The following LIPC variants were observed in gnomAD, a reference collection of about 807,000 sequenced individuals.
LIPC encodes hepatic triacylglycerol lipase.
LIPC carries 44 observed loss-of-function variants against 50.7 expected under a neutral mutation model. The ratio of observed to expected loss-of-function variants is 0.87; its 90% CI spans 0.68 to 1.11. The LOEUF (loss-of-function observed/expected upper bound fraction) is 1.11. LIPC is among the 50% of genes most tolerant of loss of function. The pLI, the probability that LIPC is intolerant of heterozygous loss-of-function variation, is 0.00. For missense variants in LIPC, 697 were observed against 648.2 expected (o/e 1.08, Z -0.82); for synonymous variants, 271 against 256.4 (o/e 1.06, Z -0.54).
chr15:58,562,212 C>A (rs138412561), intron 7 of LIPC, among the ~76,000 whole-genome samples: 3 of 152,204 alleles, frequency 2.0e-5, no homozygotes, highest in Non-Finnish European at 2.9e-5. Flanking sequence ...CAAGCCCGAA[C>A]CCTCACGTCC....
intron 1 of LIPC, among the ~76,000 whole-genome samples, chr15:58,534,096 C>T (rs775341461): frequency 3.3e-5 from 5 of 152,024 alleles, no homozygotes; most frequent in Admixed American, 6.6e-5. Context: ...AGATGAATGA[C>T]GGTGTTATGA....
At chr15:58,489,557 A>C (rs1276785977) in intron 1 of LIPC, among the ~76,000 whole-genome samples, 2 of 152,090 alleles carry the variant, frequency 1.3e-5, no homozygotes, top group South Asian at 2.1e-4. Context: ...GGGCCCCAAG[A>C]CTGGCTGAGT....
intron 1 of LIPC, among the ~76,000 whole-genome samples, chr15:58,520,770 C>T (rs572558297): frequency 3.3e-5 from 5 of 152,308 alleles, no homozygotes; most frequent in East Asian, 1.9e-4. Context: ...CCGCTTAATA[C>T]GACACTTCCC....
rs756182134 is a variant in LIPC, at chr15:58,545,973, A to G, written c.806A>G (p.Asn269Ser). 7 of 1,610,292 alleles carry G rather than the reference A, an allele frequency of 4.3e-6. No individual in the cohort carries two copies. Among genetic ancestry groups the G allele is most frequent in the Non-Finnish European group, 5.9e-6 (7 of 1,176,560 alleles). ...AGACATATTGCCCAGCACGGCTTCAATGGTGAGAATGAAGTCATGGGCCGG... is the reference window on the plus strand; with the variant it reads ...AGACATATTGCCCAGCACGGCTTCAGTGGTGAGAATGAAGTCATGGGCCGG... The part of the protein sequence containing the change: ...LYRHIAQHGF[N>S]AITQTIKCSH... The change falls in exon 5 of 9, where the codon AAT becomes AGT. Residue 269 changes from asparagine (N) to serine (S), a missense_variant and splice_region_variant. Asn to Ser is a conservative substitution (Grantham distance 46). Coordinates refer to ENST00000299022, the MANE Select transcript of LIPC (RefSeq NM_000236.3).
chr15:58,471,776 G>C (rs1005408136), intron 1 of LIPC, among the ~76,000 whole-genome samples: 3 of 152,154 alleles, frequency 2.0e-5, no homozygotes, highest in Non-Finnish European at 4.4e-5. Flanking sequence ...CTTAGAAAGG[G>C]CAGGCACCTG....
intron 1 of LIPC, among the ~76,000 whole-genome samples, chr15:58,459,951 C>T (rs1173411059): frequency 6.6e-6 from 1 of 152,218 alleles, no homozygotes; most frequent in Non-Finnish European, 1.5e-5. Flanking sequence ...CAGGCTCACA[C>T]CTAGCAAGAA....
At chr15:58,432,507 G>T (rs11632618) in intron 1 of LIPC, 5 of 290,988 alleles carry the variant, frequency 1.7e-5, no homozygotes, top group East Asian at 1.6e-4. Flanking sequence ...GCTCTGTCGG[G>T]TTGGGGTTGT....
At chr15:58,480,616 A>T (rs34838631) in intron 1 of LIPC, among the ~76,000 whole-genome samples, 1 of 152,164 alleles carries the variant, frequency 6.6e-6, no homozygotes, top group African/African-American at 2.4e-5. Context: ...CATTTAAAAC[A>T]AGCTTGTCCA....
At position 58,548,559 on chromosome 15, in the gene LIPC, GT is replaced by G; in HGVS notation, c.1039del (p.Ser347ProfsTer67). On this transcript the variant is annotated frameshift_variant, in exon 6 of 9. Coordinates refer to ENST00000299022, the MANE Select transcript of LIPC (RefSeq NM_000236.3). LOFTEE classifies it high-confidence loss of function. ...GGCTCTTCCTCGTAACGCGAGCCCA[GT>G]CCCCCTTCAAAGGTGAGTGTGGAGC... The part of the protein sequence containing the change: ...KRLFLVTRAQ[S>X]PFKVYHYQFK... 1 of 1,591,718 alleles carries G rather than the reference GT, an allele frequency of 6.3e-7. No individual in the cohort carries two copies. The highest frequency in any genetic ancestry group is 8.5e-7 in the Non-Finnish European group (1 of 1,169,868).
At chr15:58,529,940 C>T (rs1223178000) in intron 1 of LIPC, among the ~76,000 whole-genome samples, 2 of 152,306 alleles carry the variant, frequency 1.3e-5, no homozygotes, top group East Asian at 3.9e-4. Flanking sequence ...TCCAACACAT[C>T]GTAAAAGATA....
intron 1 of LIPC, among the ~76,000 whole-genome samples, chr15:58,504,476 A>G (rs1421646387): frequency 6.6e-6 from 1 of 152,114 alleles, no homozygotes; most frequent in Non-Finnish European, 1.5e-5. Context: ...CCCTCTCTGT[A>G]TGAATAAGGG....
intron 1 of LIPC, among the ~76,000 whole-genome samples, chr15:58,527,321 G>T (rs1408043626): frequency 2.0e-5 from 3 of 152,110 alleles, no homozygotes; most frequent in African/African-American, 7.2e-5. Context: ...CCAGGGTCAG[G>T]CAAGTCTCAA....
At chr15:58,486,976 G>A (rs562837889) in intron 1 of LIPC, among the ~76,000 whole-genome samples, 50 of 152,282 alleles carry the variant, frequency 3.3e-4, no homozygotes, top group African/African-American at 1.1e-3. Context: ...GGTGTGAGGC[G>A]GGACAACGGG....
chr15:58,464,262 G>A (rs983522331), intron 1 of LIPC, among the ~76,000 whole-genome samples: 11 of 152,210 alleles, frequency 7.2e-5, no homozygotes, highest in African/African-American at 1.9e-4. Context: ...GGTTTCCTAG[G>A]AGCAGTACTC....
intron 1 of LIPC, among the ~76,000 whole-genome samples, chr15:58,434,661 G>T (rs1893232839): frequency 6.6e-6 from 1 of 152,200 alleles, no homozygotes; most frequent in Non-Finnish European, 1.5e-5. Flanking sequence ...AGCACTAAGG[G>T]GGACTGGATA....
chr15:58,519,909 G>A (rs1250891892), intron 1 of LIPC, among the ~76,000 whole-genome samples: 2 of 152,068 alleles, frequency 1.3e-5, no homozygotes, highest in African/African-American at 2.4e-5. Context: ...GATTTATCCC[G>A]TTATCTTCGC....
intron 8 of LIPC, among the ~76,000 whole-genome samples, chr15:58,567,225 A>ATATATATG (rs2140963663): frequency 1.4e-5 from 2 of 138,610 alleles, no homozygotes; most frequent in East Asian, 4.2e-4. Flanking sequence ...ATATATATAT[A>ATATATATG]TATATGTATA....
intron 1 of LIPC, among the ~76,000 whole-genome samples, chr15:58,507,226 C>T (rs537750710): frequency 6.6e-6 from 1 of 152,226 alleles, no homozygotes; most frequent in East Asian, 1.9e-4. Flanking sequence ...GCTAAACTTT[C>T]CCTATCCTCT....
chr15:58,477,160 G>A (rs1393307964), intron 1 of LIPC, among the ~76,000 whole-genome samples: 2 of 152,216 alleles, frequency 1.3e-5, no homozygotes, highest in Non-Finnish European at 2.9e-5. Context: ...CAGGTTGTCT[G>A]TATGTAGACT....
Sources: gnomAD v4.1 joint callset for allele counts (sites outside exome capture counted in the v4.1 genomes callset) on GRCh38, gnomAD v4.1.1 for gene constraint, MANE v1.5 for transcripts, NCBI Gene and HGNC (gene_info 2026-07-23, HGNC 2026-07-21) for gene names.